RPF2: variants seen among roughly 807,000 people sequenced by gnomAD.
RPF2 encodes the protein ribosome production factor 2 homolog, also known as brix domain containing 1.
A neutral mutation model predicts 38.9 loss-of-function variants in RPF2; 21 were observed. That is an observed-to-expected ratio of 0.54 (90% CI 0.38 to 0.78). The LOEUF (loss-of-function observed/expected upper bound fraction) is 0.78. Among genes scored for constraint, RPF2 ranks in the 30% least tolerant of loss-of-function variants. The pLI is 0.00. For missense variants in RPF2, 314 were observed against 358.1 expected, an observed-to-expected ratio of 0.88 and a Z score of 0.99; for synonymous variants, 121 against 126.2, an observed-to-expected ratio of 0.96 and a Z score of 0.28.
At chr6:110,996,598 A>G (rs1214892109) in intron 4 of RPF2, among the ~76,000 whole-genome samples, 1 of 152,218 alleles carries the variant, frequency 6.6e-6, no homozygotes, top group Non-Finnish European at 1.5e-5. Flanking sequence ...AGCATAACAA[A>G]ATAAATGGTT....
At chr6:110,988,434 C>CTTTTTTT (rs71021819) in intron 2 of RPF2, among the ~76,000 whole-genome samples, 1 of 140,192 alleles carries the variant, frequency 7.1e-6, no homozygotes, top group African/African-American at 2.6e-5. Context: ...TTGTCTACTA[C>CTTTTTTT]TTTTTTTTTT....
chr6:111,005,887 C>T (rs982649879), intron 6 of RPF2, among the ~76,000 whole-genome samples: 2 of 152,206 alleles, frequency 1.3e-5, no homozygotes, highest in Non-Finnish European at 2.9e-5. Context: ...TCTCAGCTCA[C>T]TGCAACCTCC....
chr6:111,001,568 C>T (rs1045274437), intron 6 of RPF2, among the ~76,000 whole-genome samples: 3 of 151,942 alleles, frequency 2.0e-5, no homozygotes, highest in Non-Finnish European at 4.4e-5. Flanking sequence ...AAGACAAGCT[C>T]TCACAGTGTT....
At chr6:111,007,256 A>ATGTTT (rs916458740) in intron 6 of RPF2, among the ~76,000 whole-genome samples, 4 of 152,046 alleles carry the variant, frequency 2.6e-5, no homozygotes, top group East Asian at 1.9e-4. Flanking sequence ...GTGTTGTGTT[A>ATGTTT]TGTTTTGTTT....
intron 2 of RPF2, 79 bp downstream of exon 2, chr6:110,985,217 A>G (rs184355767): frequency 2.0e-4 from 245 of 1,226,324 alleles, no homozygotes; most frequent in Non-Finnish European, 5.7e-6. Context: ...GCTGTCGGAG[A>G]AATACGTAGA....
intron 8 of RPF2, among the ~76,000 whole-genome samples, chr6:111,017,393 GGAGA>G: frequency 1.0e-5 from 1 of 98,508 alleles, no homozygotes; most frequent in South Asian, 4.5e-4. Context: ...GCTGCCAGGC[GGAGA>G]CGCTCCTCAC....
intron 6 of RPF2, among the ~76,000 whole-genome samples, chr6:111,003,078 T>TTC (rs1771839545): frequency 8.0e-6 from 1 of 125,694 alleles, no homozygotes; most frequent in Admixed American, 7.5e-5. Context: ...TTTCATTTTT[T>TTC]ACCCCCCCCC....
At chr6:110,998,217 T>G (rs1378201744) in intron 5 of RPF2, among the ~76,000 whole-genome samples, 1 of 151,982 alleles carries the variant, frequency 6.6e-6, no homozygotes, top group African/African-American at 2.4e-5. Flanking sequence ...CTACCTTGAT[T>G]TTTCCTTGGG....
At chr6:111,016,670 C>CTTTTTTTT (rs71021821) in intron 8 of RPF2, among the ~76,000 whole-genome samples, 1 of 122,176 alleles carries the variant, frequency 8.2e-6, no homozygotes, top group Non-Finnish European at 1.6e-5. Context: ...AATTGTGGTT[C>CTTTTTTTT]TTTTTTTTTT....
At chr6:111,024,669 C>T (rs532705630) in intron 9 of RPF2, among the ~76,000 whole-genome samples, 3 of 147,182 alleles carry the variant, frequency 2.0e-5, no homozygotes, top group African/African-American at 7.6e-5. Context: ...GCAGAGATCA[C>T]GCCATTGCAC....
chr6:110,990,558 A>ACC (rs1771601055), intron 3 of RPF2, among the ~76,000 whole-genome samples: 1 of 69,160 alleles, frequency 1.4e-5, no homozygotes, highest in Non-Finnish European at 2.5e-5. Context: ...GGCAATTGGG[A>ACC]ACCCCCCCCC....
intron 1 of RPF2, 147 bp from the exon 2 acceptor site, chr6:110,984,859 C>A (rs202064869): frequency 0.015 from 12,024 of 821,520 alleles, 133 homozygotes; most frequent in Non-Finnish European, 0.018. Flanking sequence ...CAAAAAAAAA[C>A]AAACAAAAAA....
chr6:110,991,496 A>G (rs1045376462), intron 3 of RPF2, among the ~76,000 whole-genome samples: 5 of 151,630 alleles, frequency 3.3e-5, no homozygotes, highest in African/African-American at 1.2e-4. Context: ...TGCAGAATCC[A>G]TATGTACAGA....
chr6:111,010,921 G>T (rs1452429053), intron 7 of RPF2, among the ~76,000 whole-genome samples: 1 of 152,036 alleles, frequency 6.6e-6, no homozygotes, highest in East Asian at 1.9e-4. Context: ...TCCCGTATTA[G>T]TAATAGCTAC....
chr6:111,008,012 T>G (rs761773894), intron 6 of RPF2, 26 bp from the exon 7 acceptor site: 140 of 1,527,806 alleles, frequency 9.2e-5, no homozygotes, highest in Non-Finnish European at 1.0e-4. Context: ...GGTAATTATA[T>G]AATTGCTTTT....
intron 1 of RPF2, among the ~76,000 whole-genome samples, chr6:110,982,767 C>T (rs1771454585): frequency 6.6e-6 from 1 of 152,150 alleles, no homozygotes; most frequent in Admixed American, 6.6e-5. Flanking sequence ...TTGCTATTTA[C>T]CTAAGTTAAC....
At chr6:111,016,075 G>A (rs550017387) in intron 8 of RPF2, among the ~76,000 whole-genome samples, 10 of 152,244 alleles carry the variant, frequency 6.6e-5, no homozygotes, top group South Asian at 4.1e-4. Context: ...CTGCACTGTC[G>A]CTGAGCCAGG....
intron 7 of RPF2, among the ~76,000 whole-genome samples, chr6:111,010,727 G>A (rs1771997948): frequency 6.6e-6 from 1 of 151,932 alleles, no homozygotes; most frequent in Non-Finnish European, 1.5e-5. Flanking sequence ...AATTGATGGG[G>A]TATAAAATTA....
chr6:111,010,398 T>G (rs1771992258), intron 7 of RPF2, among the ~76,000 whole-genome samples: 1 of 152,174 alleles, frequency 6.6e-6, no homozygotes, highest in Non-Finnish European at 1.5e-5. Context: ...AGTGGTGAGA[T>G]TACAGGCATG....
Sources: gnomAD v4.1 joint callset for allele counts (sites outside exome capture counted in the v4.1 genomes callset) on GRCh38, gnomAD v4.1.1 for gene constraint, MANE v1.5 for transcripts, NCBI Gene and HGNC (gene_info 2026-07-23, HGNC 2026-07-21) for gene names.